The following C18orf32 variants were observed in gnomAD, a reference collection of about 807,000 sequenced individuals.
C18orf32 encodes chromosome 18 open reading frame 32.
C18orf32 carries 5 observed loss-of-function variants against 7.4 expected under a neutral mutation model. The ratio of observed to expected loss-of-function variants is 0.68; its 90% CI spans 0.35 to 1.42. The LOEUF (loss-of-function observed/expected upper bound fraction) is 1.42, where lower values mean the gene tolerates loss of function less well. Ranked by LOEUF, C18orf32 falls within the 40% of genes most tolerant of loss-of-function variation. The probability of loss-of-function intolerance (pLI) is 0.04; values close to 1 mark genes in which losing one functional copy is unlikely to be tolerated. For synonymous variants in C18orf32, 30 were observed against 29.3 expected, an observed-to-expected ratio of 1.02 and a Z score of -0.08; for missense variants, 88 against 92.4, an observed-to-expected ratio of 0.95 and a Z score of 0.19.
At chr18:49,485,007 G>A (rs902770996) in intron 1 of C18orf32, among the ~76,000 whole-genome samples, 5 of 151,866 alleles carry the variant, frequency 3.3e-5, no homozygotes, top group Non-Finnish European at 7.4e-5. Flanking sequence ...GCTTGAACCC[G>A]GGAGGTAGAG....
chr18:49,486,523 G>C (rs1024098002), intron 1 of C18orf32: 1 of 151,456 alleles, frequency 6.6e-6, no homozygotes, highest in Non-Finnish European at 1.5e-5. Flanking sequence ...ATAATACTTC[G>C]GTAAGATATT....
Position 49,482,307 on chromosome 18 carries a change from C to G in C18orf32, c.*38G>C, listed in dbSNP as rs1252174291. ...AGGAAGATGCTTCATATTATCAGGT[C>G]CATTTTTTAAATGATGGGGTCCTTT... On this transcript the variant is annotated 3_prime_UTR_variant, in exon 3 of 3. Transcript: ENST00000318240. 7.9e-6 allele frequency: 11 copies of G among 1,396,488 alleles called. No individual in the cohort carries two copies. The highest frequency in any genetic ancestry group is 1.1e-5 in the Non-Finnish European group (11 of 983,496). The allele number at this position is 1,396,488 out of a possible 1,614,324, so 86.5% of individuals were successfully genotyped here.
intron 2 of C18orf32, among the ~76,000 whole-genome samples, chr18:49,483,261 G>GT (rs369016521): frequency 0.014 from 2,094 of 149,292 alleles, 42 homozygotes; most frequent in South Asian, 0.092. Context: ...TAAAAAAATT[G>GT]TTTTTTTTTT....
rs2083670318 is a variant in C18orf32 at position 49,482,283 on chromosome 18, G to A, written c.*62C>T. ...ATAAAAAGGTCAGAGACAATTACAAGGAAGATGCTTCATATTATCAGGTCC... is the reference window on the plus strand; with the variant it reads ...ATAAAAAGGTCAGAGACAATTACAAAGAAGATGCTTCATATTATCAGGTCC... On this transcript the variant is annotated 3_prime_UTR_variant, in exon 3 of 3. Coordinates refer to ENST00000318240, the MANE Select transcript of C18orf32 (RefSeq NM_001035005.4). 1 of 1,167,218 alleles carries A rather than the reference G, an allele frequency of 8.6e-7. No homozygotes were observed. Among genetic ancestry groups the A allele is most frequent in the Non-Finnish European group, 1.3e-6 (1 of 776,374 alleles). 72.3% of individuals were successfully genotyped at this position (1,167,218 alleles called of 1,614,324 possible).
At chr18:49,484,060 T>G (rs113118219) in intron 1 of C18orf32, among the ~76,000 whole-genome samples, 1 of 149,180 alleles carries the variant, frequency 6.7e-6, no homozygotes, top group East Asian at 2.0e-4. Context: ...GCCCAGGAGG[T>G]TGAGGCTGCA....
rs2083770823 is a variant in C18orf32, at chr18:49,487,188, C to A, written c.-169G>T. 6.6e-6 allele frequency: 1 copy of A among 152,644 alleles called. No homozygotes were observed. Among genetic ancestry groups the A allele is most frequent in the Admixed American group, 6.5e-5 (1 of 15,292 alleles). 9.5% of individuals were successfully genotyped at this position (152,644 alleles called of 1,614,324 possible). ...CAGCTACAAAGCCCAACCCAGGCCG[C>A]TAGCCCGGGCACACTCACCCGCGAC... On this transcript the variant is annotated 5_prime_UTR_variant, in exon 1 of 3. Coordinates refer to ENST00000318240, the MANE Select transcript of C18orf32 (RefSeq NM_001035005.4).
At chr18:49,486,519 C>A (rs1231370406) in intron 1 of C18orf32, 8 of 151,778 alleles carry the variant, frequency 5.3e-5, no homozygotes, top group Admixed American at 5.3e-4. Context: ...CATAATAATA[C>A]TTCGGTAAGA....
At position 49,478,941 on chromosome 18, in the gene C18orf32, C is replaced by CTAGA. The variant is rs144292499; in HGVS notation, c.*3403_*3404insTCTA. On this transcript the variant is annotated 3_prime_UTR_variant, in exon 3 of 3. Transcript: ENST00000318240. ...TTTCACTCTTCTGGTGTCAAACTGT[C>CTAGA]TTTTACGAAATACTGGTAATAAATT... 1 of 140,802 alleles carries CTAGA rather than the reference C, an allele frequency of 7.1e-6. No individual in the cohort carries two copies. Among genetic ancestry groups the CTAGA allele is most frequent in the African/African-American group, 3.2e-5 (1 of 30,818 alleles). 8.7% of individuals were successfully genotyped at this position (140,802 alleles called of 1,614,324 possible). A position where few individuals can be genotyped will look rare whatever the true frequency, so the allele number is the denominator to read the frequency against.
Position 49,477,854 on chromosome 18 carries a change from CTATA to C in C18orf32, c.*4487_*4490del, listed in dbSNP as rs1307741244. The C allele has an allele frequency of 3.0e-5, 4 of 134,136 alleles. No homozygotes were observed. Among genetic ancestry groups the C allele is most frequent in the African/African-American group, 6.2e-5 (2 of 32,446 alleles). 8.3% of individuals were successfully genotyped at this position (134,136 alleles called of 1,614,324 possible). A position where few individuals can be genotyped will look rare whatever the true frequency, so the allele number is the denominator to read the frequency against. ...ATACACATATATATATATACACACA[CTATA>C]TATATACACACTATATATATACACT... On this transcript the variant is annotated 3_prime_UTR_variant, in exon 3 of 3. Coordinates refer to ENST00000318240, the MANE Select transcript of C18orf32 (RefSeq NM_001035005.4).
chr18:49,485,384 T>C (rs2083726623), intron 1 of C18orf32, among the ~76,000 whole-genome samples: 1 of 151,862 alleles, frequency 6.6e-6, no homozygotes, highest in Non-Finnish European at 1.5e-5. Context: ...CAAAACCCTG[T>C]CTCTACTAAA....
rs2083634730 is a variant in C18orf32 at position 49,478,250 on chromosome 18, G to C, written c.*4095C>G. On this transcript the variant is annotated 3_prime_UTR_variant, in exon 3 of 3. Coordinates refer to ENST00000318240, the MANE Select transcript of C18orf32 (RefSeq NM_001035005.4). Reference sequence around the variant, plus strand: ...AGGCGAGGTCTCCCTATGTTGCCCAGGCTGGGATCCTGTTTTTCTTTTTCT... The same window carrying C: ...AGGCGAGGTCTCCCTATGTTGCCCACGCTGGGATCCTGTTTTTCTTTTTCT... 6.7e-6 allele frequency: 1 copy of C among 149,444 alleles called. No homozygotes were observed. The highest frequency in any genetic ancestry group is 1.5e-5 in the Non-Finnish European group (1 of 68,054). 9.3% of individuals were successfully genotyped at this position (149,444 alleles called of 1,614,324 possible).
In C18orf32 at chr18:49,483,658, A is replaced by AG; in HGVS notation, c.90dup (p.Phe31LeufsTer3). On this transcript the variant is annotated frameshift_variant, in exon 2 of 3. Transcript: ENST00000318240. LOFTEE classifies it high-confidence loss of function. ...TTCTTAGGCCATATACGACTAACGA[A>AG]GGGGGAAACCAGAGGGTATATATAT... is the stretch of plus-strand genomic sequence containing the variant. 1 of 1,613,760 alleles carries AG rather than the reference A, an allele frequency of 6.2e-7. No individual in the cohort carries two copies. Among genetic ancestry groups the AG allele is most frequent in the South Asian group, 1.1e-5 (1 of 90,950 alleles).
Position 49,479,063 on chromosome 18 carries a change from A to C in C18orf32, c.*3282T>G, listed in dbSNP as rs1229836591. 6.6e-6 allele frequency: 1 copy of C among 152,136 alleles called. No homozygotes were observed. Among genetic ancestry groups the C allele is most frequent in the African/African-American group, 2.4e-5 (1 of 41,412 alleles). 9.4% of individuals were successfully genotyped at this position (152,136 alleles called of 1,614,324 possible). A position where few individuals can be genotyped will look rare whatever the true frequency, so the allele number is the denominator to read the frequency against. Reference sequence around the variant, plus strand: ...CTTTTAAAATGTTGCTAGTATGAAAACAACGACTGGGAACCAGTGTTCTAG... The same window carrying C: ...CTTTTAAAATGTTGCTAGTATGAAACCAACGACTGGGAACCAGTGTTCTAG... On this transcript the variant is annotated 3_prime_UTR_variant, in exon 3 of 3. Coordinates refer to ENST00000318240, the MANE Select transcript of C18orf32 (RefSeq NM_001035005.4).
rs1384081334 is a variant in C18orf32, at chr18:49,478,339, C to G, written c.*4006G>C. On this transcript the variant is annotated 3_prime_UTR_variant, in exon 3 of 3. Transcript: ENST00000318240. ...AGTGCAGTGGTACAATTTCAGCTCA[C>G]TGCAACCTCTGCCTCCTGGTTTCAA... 4 of 150,434 alleles carry G rather than the reference C, an allele frequency of 2.7e-5. 1 individual carries two copies. The highest frequency in any genetic ancestry group is 1.0e-4 in the African/African-American group (4 of 39,584). 9.3% of individuals were successfully genotyped at this position (150,434 alleles called of 1,614,324 possible).
Position 49,481,603 on chromosome 18 carries a change from CG to C in C18orf32, c.*741del, listed in dbSNP as rs2083662795. ...ACAACATCCAAATTCTGCCTTCTGACGTGGTGAAAAATTTCCCTTTTGAATA... is the reference window on the plus strand; with the variant it reads ...ACAACATCCAAATTCTGCCTTCTGACTGGTGAAAAATTTCCCTTTTGAATA... On this transcript the variant is annotated 3_prime_UTR_variant, in exon 3 of 3. Transcript: ENST00000318240. The C allele has an allele frequency of 1.3e-5, 2 of 152,090 alleles. No homozygotes were observed. The highest frequency in any genetic ancestry group is 2.9e-5 in the Non-Finnish European group (2 of 68,042). The allele number at this position is 152,090 out of a possible 1,614,324, so 9.4% of individuals were successfully genotyped here. A position where few individuals can be genotyped will look rare whatever the true frequency, so the allele number is the denominator to read the frequency against.
Position 49,482,327 on chromosome 18 carries a change from T to C in C18orf32, c.*18A>G, listed in dbSNP as rs201412849. 2 of 1,585,940 alleles carry C rather than the reference T, an allele frequency of 1.3e-6. No individual in the cohort carries two copies. The highest frequency in any genetic ancestry group is 1.1e-5 in the South Asian group (1 of 90,048). ...CAGGTCCATTTTTTAAATGATGGGG[T>C]CCTTTAGGAAAATTTCTTTAGTCTT... On this transcript the variant is annotated 3_prime_UTR_variant, in exon 3 of 3. Coordinates refer to ENST00000318240, the MANE Select transcript of C18orf32 (RefSeq NM_001035005.4).
In C18orf32 at chr18:49,478,897, C is replaced by G. The variant is rs145051135; in HGVS notation, c.*3448G>C. ...TATTCAAACTGATGGCTATTTTTGT[C>G]CACTATTCCCATGTTCTTTTTCACT... is the stretch of plus-strand genomic sequence containing the variant. On this transcript the variant is annotated 3_prime_UTR_variant, in exon 3 of 3. Coordinates refer to ENST00000318240, the MANE Select transcript of C18orf32 (RefSeq NM_001035005.4). 1 of 151,874 alleles carries G rather than the reference C, an allele frequency of 6.6e-6. No homozygotes were observed. The highest frequency in any genetic ancestry group is 1.5e-5 in the Non-Finnish European group (1 of 68,026). The allele number at this position is 151,874 out of a possible 1,614,324, so 9.4% of individuals were successfully genotyped here.
chr18:49,484,165 TATAC>T (rs1160721024), intron 1 of C18orf32, among the ~76,000 whole-genome samples: 25 of 88,078 alleles, frequency 2.8e-4, no homozygotes, highest in East Asian at 1.9e-3. Flanking sequence ...TATATATATA[TATAC>T]ACACACACAC....
chr18:49,482,598 G>A (rs1309854979), intron 2 of C18orf32, among the ~76,000 whole-genome samples, 188 bp from the exon 3 acceptor site: 17 of 151,892 alleles, frequency 1.1e-4, no homozygotes. Flanking sequence ...ATGGTAGCAT[G>A]TGCCTATAAT....
Sources: gnomAD v4.1 joint callset for allele counts (sites outside exome capture counted in the v4.1 genomes callset) on GRCh38, gnomAD v4.1.1 for gene constraint, MANE v1.5 for transcripts, NCBI Gene and HGNC (gene_info 2026-07-23, HGNC 2026-07-21) for gene names.